Variants in PATJ observed in about 807,000 individuals in gnomAD.
PATJ encodes the protein PATJ crumbs cell polarity complex component.
A neutral mutation model predicts 224.9 loss-of-function variants in PATJ; 190 were observed. The ratio of observed to expected loss-of-function variants is 0.84; its 90% confidence interval spans 0.75 to 0.95. The LOEUF (loss-of-function observed/expected upper bound fraction) is 0.95. Among genes scored for constraint, PATJ ranks in the 40% least tolerant of loss-of-function variants. The pLI is 0.00. For synonymous variants in PATJ, 769 were observed against 820.3 expected, an observed-to-expected ratio of 0.94 and a Z score of 1.07; for missense variants, 2,121 against 2,270.3, an observed-to-expected ratio of 0.93 and a Z score of 1.34.
chr1:62,140,316 A>G (rs1004978750), intron 41 of PATJ, among the ~76,000 whole-genome samples: 6 of 152,162 alleles, frequency 3.9e-5, no homozygotes, highest in African/African-American at 1.4e-4. Context: ...CCATAAGACG[A>G]TGCTACAGAA....
chr1:62,028,600 G>A (rs952846605), intron 29 of PATJ, among the ~76,000 whole-genome samples: 12 of 151,544 alleles, frequency 7.9e-5, no homozygotes, highest in African/African-American at 1.9e-4. Context: ...GCAACATAGC[G>A]AGACCTCATC....
chr1:62,076,700 C>T (rs1251316771), intron 31 of PATJ, among the ~76,000 whole-genome samples: 2 of 152,210 alleles, frequency 1.3e-5, no homozygotes, highest in African/African-American at 2.4e-5. Context: ...AAGCAACAAT[C>T]ATCTCATGCT....
At chr1:61,904,000 C>T (rs1429728210) in intron 24 of PATJ, among the ~76,000 whole-genome samples, 1 of 152,122 alleles carries the variant, frequency 6.6e-6, no homozygotes. Context: ...TCTCGAACTC[C>T]TAACCTCAGG....
At position 61,908,483 on chromosome 1, in the gene PATJ, G is replaced by A. The variant is rs951648964; in HGVS notation, c.3492+1G>A. 6.3e-7 allele frequency: 1 copy of A among 1,592,074 alleles called. No homozygotes were observed. The highest frequency in any genetic ancestry group is 1.7e-5 in the Admixed American group (1 of 59,898). On this transcript the variant is annotated splice_donor_variant, in intron 25 of 43. Transcript: ENST00000642238. LOFTEE classifies it high-confidence loss of function. Reference sequence around the variant, plus strand: ...TCAGAGTTTGTCATCCACTCCACGAGTAAGTTTTAGTTCATATTTTCAAAA... The same window carrying A: ...TCAGAGTTTGTCATCCACTCCACGAATAAGTTTTAGTTCATATTTTCAAAA...
At chr1:61,856,323 C>A in intron 18 of PATJ, 84 bp downstream of exon 18, 1 of 1,093,544 alleles carries the variant, frequency 9.1e-7, no homozygotes, top group Non-Finnish European at 1.4e-6. Context: ...TATACCTGGC[C>A]AAGAATTTCT....
intron 7 of PATJ, among the ~76,000 whole-genome samples, chr1:61,777,391 C>G (rs1246453722): frequency 6.6e-6 from 1 of 151,996 alleles, no homozygotes; most frequent in Non-Finnish European, 1.5e-5. Context: ...ATGGCAAAAC[C>G]CTGTCTCTAC....
At chr1:61,893,485 GTT>G (rs66571879) in intron 22 of PATJ, among the ~76,000 whole-genome samples, 25,269 of 139,168 alleles carry the variant, frequency 0.18, 2,612 homozygotes, top group East Asian at 0.32. Flanking sequence ...ATTTTAGGGT[GTT>G]TTTTTTTTTT....
chr1:61,927,213 A>G (rs1336594526), intron 26 of PATJ, among the ~76,000 whole-genome samples: 5 of 152,206 alleles, frequency 3.3e-5, no homozygotes, highest in Non-Finnish European at 7.4e-5. Flanking sequence ...TTGACCATCT[A>G]TAAATTATAG....
chr1:61,765,571 G>A (rs958150694), intron 3 of PATJ, among the ~76,000 whole-genome samples: 9 of 152,012 alleles, frequency 5.9e-5, no homozygotes, highest in Non-Finnish European at 8.8e-5. Context: ...TTTTGATAGC[G>A]ATGGGGTTTC....
chr1:61,827,266 T>C (rs1396105440), intron 15 of PATJ, among the ~76,000 whole-genome samples, 156 bp from the exon 16 acceptor site: 1 of 152,204 alleles, frequency 6.6e-6, no homozygotes, highest in Non-Finnish European at 1.5e-5. Context: ...TTGCATATTA[T>C]TTAATCATAA....
chr1:62,041,927 C>A (rs149583642), intron 30 of PATJ, among the ~76,000 whole-genome samples: 1,819 of 152,110 alleles, frequency 0.012, 17 homozygotes, highest in Middle Eastern at 0.048. Context: ...GCGGAGCTTG[C>A]AGTGAGCCGA....
chr1:62,130,132 C>T (rs1432333182), intron 41 of PATJ, among the ~76,000 whole-genome samples: 1 of 151,082 alleles, frequency 6.6e-6, no homozygotes, highest in African/African-American at 2.4e-5. Flanking sequence ...GCCAGCAGTA[C>T]AAGACCAGCC....
intron 30 of PATJ, among the ~76,000 whole-genome samples, chr1:62,046,853 AC>A (rs2148562318): frequency 6.6e-6 from 1 of 152,306 alleles, no homozygotes; most frequent in Non-Finnish European, 1.5e-5. Flanking sequence ...TGTGGTGTAG[AC>A]ATAGAGAGTA....
chr1:61,819,620 G>C (rs951377282), intron 14 of PATJ, among the ~76,000 whole-genome samples: 2 of 152,164 alleles, frequency 1.3e-5, no homozygotes, highest in African/African-American at 4.8e-5. Context: ...GCGGCGGTGG[G>C]GGGGCGCGGG....
At chr1:62,130,720 G>A (rs1166155469) in intron 41 of PATJ, among the ~76,000 whole-genome samples, 13 of 151,724 alleles carry the variant, frequency 8.6e-5, no homozygotes, top group South Asian at 4.2e-4. Flanking sequence ...GCATGGTGGC[G>A]GGCGCCTATA....
chr1:62,049,871 C>T (rs1342190213), intron 30 of PATJ, among the ~76,000 whole-genome samples: 1 of 152,152 alleles, frequency 6.6e-6, no homozygotes, highest in African/African-American at 2.4e-5. Context: ...CAACAAGACA[C>T]ACTTTGGAAG....
chr1:61,874,140 G>T (rs1040545201), intron 20 of PATJ, among the ~76,000 whole-genome samples: 2 of 152,010 alleles, frequency 1.3e-5, no homozygotes, highest in African/African-American at 2.4e-5. Flanking sequence ...TCCTCACAGG[G>T]TGGAAGAGTG....
Position 61,763,012 on chromosome 1 carries a change from G to C in PATJ, c.23-1G>C, listed in dbSNP as rs1273427860. On this transcript the variant is annotated splice_acceptor_variant, in intron 2 of 43. Coordinates refer to ENST00000642238, the MANE Select transcript of PATJ (RefSeq NM_001350145.3). LOFTEE classifies it high-confidence loss of function. ...ACTCTACTTATTCATCTTGACCCAA[G>C]ATAAACTGCAGGTGCTGCAGGTACT... 3 of 1,606,750 alleles carry C rather than the reference G, an allele frequency of 1.9e-6. No homozygotes were observed. Among genetic ancestry groups the C allele is most frequent in the Non-Finnish European group, 2.6e-6 (3 of 1,176,412 alleles).
chr1:62,138,883 A>G (rs1667211573), intron 41 of PATJ, among the ~76,000 whole-genome samples: 1 of 152,160 alleles, frequency 6.6e-6, no homozygotes, highest in African/African-American at 2.4e-5. Context: ...TAAGGACCTC[A>G]GAGTCCCTGT....
Sources: gnomAD v4.1 joint callset for allele counts (sites outside exome capture counted in the v4.1 genomes callset) on GRCh38, gnomAD v4.1.1 for gene constraint, MANE v1.5 for transcripts, NCBI Gene and HGNC (gene_info 2026-07-23, HGNC 2026-07-21) for gene names.